Variants in SLC25A12 observed in about 807,000 individuals in gnomAD.
SLC25A12 encodes the protein solute carrier family 25 member 12.
A neutral mutation model predicts 83.3 loss-of-function variants in SLC25A12; 32 were observed. The observed-to-expected ratio is 0.38, with a 90% CI of 0.29 to 0.52. The LOEUF (loss-of-function observed/expected upper bound fraction) is 0.52, where lower values mean the gene tolerates loss of function less well. Among genes scored for constraint, SLC25A12 ranks in the 20% least tolerant of loss-of-function variants. The pLI is 0.84. For synonymous variants in SLC25A12, 267 were observed against 291.1 expected, an observed-to-expected ratio of 0.92 and a Z score of 0.84; for missense variants, 611 against 835.6, an observed-to-expected ratio of 0.73 and a Z score of 3.31.
chr2:171,838,059 T>C (rs1013908755), intron 5 of SLC25A12, among the ~76,000 whole-genome samples: 1 of 152,210 alleles, frequency 6.6e-6, no homozygotes, highest in Non-Finnish European at 1.5e-5. Context: ...TGGGGATCCA[T>C]GACTAAATGC....
At chr2:171,892,325 A>G (rs1345679485) in intron 2 of SLC25A12, among the ~76,000 whole-genome samples, 1 of 152,036 alleles carries the variant, frequency 6.6e-6, no homozygotes, top group African/African-American at 2.4e-5. Context: ...TCCCGGGTTA[A>G]CGCCATTCTC....
intron 2 of SLC25A12, among the ~76,000 whole-genome samples, chr2:171,872,997 T>C (rs1296188352): frequency 1.3e-5 from 2 of 151,740 alleles, no homozygotes; most frequent in Non-Finnish European, 2.9e-5. Context: ...AACAGAAGAG[T>C]CTGAACTTTA....
intron 13 of SLC25A12, among the ~76,000 whole-genome samples, chr2:171,802,084 C>A (rs557393586): frequency 3.9e-5 from 6 of 152,230 alleles, no homozygotes; most frequent in African/African-American, 9.6e-5. Flanking sequence ...ACTCAACATT[C>A]ATAAGAGATA....
At chr2:171,835,441 T>C (rs1047219457) in intron 6 of SLC25A12, among the ~76,000 whole-genome samples, 2 of 152,224 alleles carry the variant, frequency 1.3e-5, no homozygotes, top group South Asian at 2.1e-4. Context: ...CCAAAAAATG[T>C]AGAAAATCTG....
chr2:171,817,304 T>A (rs888275560), intron 9 of SLC25A12, among the ~76,000 whole-genome samples: 4 of 152,116 alleles, frequency 2.6e-5, no homozygotes, highest in Admixed American at 2.0e-4. Flanking sequence ...GTTTTTAACT[T>A]CTTTAAAAAT....
intron 3 of SLC25A12, among the ~76,000 whole-genome samples, chr2:171,857,670 G>A (rs1252812153): frequency 6.6e-6 from 1 of 152,038 alleles, no homozygotes; most frequent in African/African-American, 2.4e-5. Flanking sequence ...GGGTAACAGA[G>A]CCAGACCCTG....
chr2:171,831,912 T>G (rs1684439800), intron 8 of SLC25A12, among the ~76,000 whole-genome samples: 1 of 130,768 alleles, frequency 7.6e-6, no homozygotes, highest in Non-Finnish European at 1.7e-5. Flanking sequence ...AAAAAAAAAA[T>G]TAAAGGGAAA....
intron 5 of SLC25A12, among the ~76,000 whole-genome samples, chr2:171,842,033 C>A (rs1024903587): frequency 6.6e-6 from 1 of 152,110 alleles, no homozygotes; most frequent in Non-Finnish European, 1.5e-5. Flanking sequence ...ATGTATATAG[C>A]CAAAAGAACT....
rs369222812 is a variant in SLC25A12 at position 171,826,302 on chromosome 2, G to A, written c.930+496C>T. 3.3e-5 allele frequency among the ~76,000 whole-genome samples: 5 copies of A among 152,156 alleles called. No homozygotes were observed. The East Asian group carries it at 9.6e-4, about 29-fold the overall frequency. ...AAAACAAAACACAAATATAAATCTA[G>A]TTATCTCATAAAAATATTCTATAGG... On this transcript the variant is annotated intron_variant, in intron 9 of 17. Transcript: ENST00000422440.
chr2:171,878,914 A>ATG (rs1685626122), intron 2 of SLC25A12, among the ~76,000 whole-genome samples: 1 of 152,238 alleles, frequency 6.6e-6, no homozygotes, highest in South Asian at 2.1e-4. Flanking sequence ...TCAGGAATGC[A>ATG]TGCCCTTTCA....
intron 3 of SLC25A12, among the ~76,000 whole-genome samples, chr2:171,868,137 G>GC (rs1685377771): frequency 6.6e-6 from 1 of 151,836 alleles, no homozygotes; most frequent in Admixed American, 6.6e-5. Context: ...GAGCCACCGC[G>GC]CCCAGCCTGA....
rs1684750084 is a variant in SLC25A12 at position 171,844,498 on chromosome 2, T to A, written c.336A>T (p.Lys112Asn). 1.3e-6 allele frequency: 2 copies of A among 1,591,984 alleles called. No homozygotes were observed. The highest frequency in any genetic ancestry group is 1.7e-6 in the Non-Finnish European group (2 of 1,160,168). ...GAATAATAGTCTGTCCAAAAATTTC[T>A]TTGACATTTTCTTAAAAGGGAAAAC... ...GNGEVTFENV[K>N]EIFGQTIIHH... The change falls in exon 5 of 18, where the codon AAA (lysine) becomes AAT (asparagine). Residue 112 changes from lysine (K) to asparagine (N), a missense_variant. Physicochemically the swap from Lys to Asn is moderately conservative, Grantham distance 94 (BLOSUM62 0). Around this residue, in one of 3 missense-constraint regions of SLC25A12, gnomAD observed 540 missense variants for 777.5 expected, o/e 0.69. Coordinates refer to ENST00000422440, the MANE Select transcript of SLC25A12 (RefSeq NM_003705.5).
intron 6 of SLC25A12, 54 bp downstream of exon 6, chr2:171,837,067 A>C: frequency 1.3e-6 from 2 of 1,588,304 alleles, no homozygotes; most frequent in Non-Finnish European, 1.7e-6. Context: ...CCAGGACTCA[A>C]TGGATCAAAA....
At chr2:171,865,155 C>A (rs984285354) in intron 3 of SLC25A12, among the ~76,000 whole-genome samples, 1 of 152,064 alleles carries the variant, frequency 6.6e-6, no homozygotes, top group Non-Finnish European at 1.5e-5. Flanking sequence ...TGAGGCATAG[C>A]AGGCACTCAA....
Position 171,886,728 on chromosome 2 carries a change from T to C in SLC25A12, c.66+6477A>G, listed in dbSNP as rs190027795. Reference sequence around the variant, plus strand: ...GGTTTCACCATGTTAGCCAGGATGGTCTCAATCTCCTGACCTTGTGATCCG... The same window carrying C: ...GGTTTCACCATGTTAGCCAGGATGGCCTCAATCTCCTGACCTTGTGATCCG... On this transcript the variant is annotated intron_variant, in intron 2 of 17. Transcript: ENST00000422440. 2.8e-3 allele frequency among the ~76,000 whole-genome samples: 425 copies of C among 152,162 alleles called. 2 individuals are homozygous for C. Among genetic ancestry groups the C allele is most frequent in the African/African-American group, 8.8e-3 (365 of 41,512 alleles).
At chr2:171,811,002 T>C (rs1256678755) in intron 11 of SLC25A12, among the ~76,000 whole-genome samples, 1 of 152,180 alleles carries the variant, frequency 6.6e-6, no homozygotes, top group African/African-American at 2.4e-5. Flanking sequence ...AGGCTGGTTG[T>C]AAACTGGAAA....
At chr2:171,893,348 A>C in intron 1 of SLC25A12, 90 bp from the exon 2 acceptor site, 1 of 1,064,938 alleles carries the variant, frequency 9.4e-7, no homozygotes, top group South Asian at 1.3e-5. Context: ...CTAACAATCA[A>C]TGCTCCTATC....
Position 171,784,712 on chromosome 2 carries a change from TCTCGTTATGC to T in SLC25A12, c.*552_*561del. ...CTTATTCAGTGGTAGCAGCACTATG[TCTCGTTATGC>T]CTTTTATCAGCAAATACCTTTTTAT... On this transcript the variant is annotated 3_prime_UTR_variant, in exon 18 of 18. Transcript: ENST00000422440. The T allele has an allele frequency of 5.6e-6, 1 of 179,164 alleles. No homozygotes were observed. The highest frequency in any genetic ancestry group is 1.2e-4 in the South Asian group (1 of 8,044). 11.1% of individuals were successfully genotyped at this position (179,164 alleles called of 1,614,324 possible).
Position 171,787,674 on chromosome 2 carries a change from AGCAGGG to A in SLC25A12, c.1745-19_1745-14del. 1 of 1,613,134 alleles carries A rather than the reference AGCAGGG, an allele frequency of 6.2e-7. No homozygotes were observed. The highest frequency in any genetic ancestry group is 8.5e-7 in the Non-Finnish European group (1 of 1,179,072). On this transcript the variant is annotated splice_polypyrimidine_tract_variant and intron_variant, in intron 16 of 17. Coordinates refer to ENST00000422440, the MANE Select transcript of SLC25A12 (RefSeq NM_003705.5). ...CGAAACACTCGAGCTGAAAAAGAGA[AGCAGGG>A]GCAGGGGAGACTTGAAACCAGGACA...
Sources: allele counts gnomAD v4.1 joint callset (sites outside exome capture counted in the v4.1 genomes callset), GRCh38; gene constraint gnomAD v4.1.1; regional missense constraint gnomAD v4.1.1; transcripts MANE v1.5; gene names NCBI Gene and HGNC (gene_info 2026-07-23, HGNC 2026-07-21).